The following PKNOX1 variants were observed in gnomAD, a reference collection of about 807,000 sequenced individuals.
PKNOX1 encodes the protein PBX/knotted 1 homeobox 1.
PKNOX1 carries 15 observed loss-of-function variants against 51.9 expected under a neutral mutation model. The observed-to-expected ratio is 0.29, with a 90% CI of 0.19 to 0.45. The LOEUF is 0.45. Among genes scored for constraint, PKNOX1 ranks in the 20% least tolerant of loss-of-function variants. PKNOX1 has a pLI of 1.00. For synonymous variants in PKNOX1, 219 were observed against 211.1 expected (o/e 1.04, Z -0.32); for missense variants, 462 against 547.5 (o/e 0.84, Z 1.56).
At chr21:43,009,853 T>C (rs1201035141) in intron 3 of PKNOX1, among the ~76,000 whole-genome samples, 200 bp from the exon 4 acceptor site, 4 of 152,146 alleles carry the variant, frequency 2.6e-5, no homozygotes, top group Admixed American at 6.5e-5. Context: ...GCGGGGATCA[T>C]GGAAATGTTC....
intron 8 of PKNOX1, among the ~76,000 whole-genome samples, chr21:43,022,228 C>T (rs1430168768): frequency 1.3e-5 from 2 of 152,248 alleles, no homozygotes; most frequent in East Asian, 1.9e-4. Context: ...TCCTCCTCCT[C>T]GGCCTTCTGC....
In PKNOX1 at chr21:42,999,529, G is replaced by C. The variant is rs556619169; in HGVS notation, c.-56-4797G>C. ...GGAGTCTCACTCTGTCACCCAGGCT[G>C]GAGTGTAGTGGCACAATCTTGGTTC... On this transcript the variant is annotated intron_variant, in intron 1 of 10. Coordinates refer to ENST00000291547, the MANE Select transcript of PKNOX1 (RefSeq NM_004571.5). 2.0e-5 allele frequency among the ~76,000 whole-genome samples: 3 copies of C among 152,100 alleles called. No individual in the cohort carries two copies. In the East Asian group the frequency reaches 5.8e-4, roughly 29 times the overall value.
Position 43,010,048 on chromosome 21 carries a change from CTCA to C in PKNOX1, c.180-4_180-2del, listed in dbSNP as rs1568898219. On this transcript the variant is annotated splice_acceptor_variant and splice_polypyrimidine_tract_variant and intron_variant, in intron 3 of 10. Coordinates refer to ENST00000291547, the MANE Select transcript of PKNOX1 (RefSeq NM_004571.5). LOFTEE classifies it high-confidence loss of function. ...AATGGATTCTTTTTTTTCTTTTCTC[CTCA>C]GGCATCCACTATTTCCATTATTAGC... The C allele has an allele frequency of 6.5e-7, 1 of 1,536,264 alleles. No individual in the cohort carries two copies. The highest frequency in any genetic ancestry group is 2.2e-5 in the Admixed American group (1 of 45,730).
At chr21:43,008,390 A>G (rs1276843838) in intron 3 of PKNOX1, among the ~76,000 whole-genome samples, 3 of 152,260 alleles carry the variant, frequency 2.0e-5, no homozygotes, top group Non-Finnish European at 4.4e-5. Context: ...AAAATCATCA[A>G]TAAAATATTA....
rs1980089753 is a variant in PKNOX1, at chr21:43,028,747, A to C, written c.972A>C (p.Ser324=). ...GAATTCTTCAGCCAATGTTGGATTC[A>C]AGTTGTTCAGAGACCCCCAAAACAA... ...RRRILQPMLD[S]SCSETPKTKK... is the part of the protein sequence containing the mutation. The change falls in exon 10 of 11, where the codon TCA becomes TCC. Residue 324 remains serine (S), a synonymous_variant. Coordinates refer to ENST00000291547, the MANE Select transcript of PKNOX1 (RefSeq NM_004571.5). The C allele has an allele frequency of 6.2e-7, 1 of 1,614,052 alleles. No homozygotes were observed. The highest frequency in any genetic ancestry group is 8.5e-7 in the Non-Finnish European group (1 of 1,180,028).
chr21:43,011,066 CTTT>C (rs11347992), intron 4 of PKNOX1, among the ~76,000 whole-genome samples: 5 of 80,732 alleles, frequency 6.2e-5, no homozygotes, highest in Non-Finnish European at 1.2e-4. Context: ...ACAGCTCTGT[CTTT>C]TTTTTTTTTT....
intron 1 of PKNOX1, among the ~76,000 whole-genome samples, chr21:42,977,178 C>T (rs576506108): frequency 5.9e-5 from 9 of 152,118 alleles, no homozygotes; most frequent in East Asian, 1.9e-4. Context: ...CAAGAGTAGA[C>T]GTAACATAAT....
chr21:42,975,259 T>C (rs1443319133), intron 1 of PKNOX1, among the ~76,000 whole-genome samples: 15 of 147,272 alleles, frequency 1.0e-4, no homozygotes, highest in African/African-American at 3.3e-4. Flanking sequence ...GGCCCCGGCC[T>C]CGGCCGTGGC....
chr21:42,987,091 G>A (rs2059055860), intron 1 of PKNOX1, among the ~76,000 whole-genome samples: 1 of 151,888 alleles, frequency 6.6e-6, no homozygotes, highest in South Asian at 2.1e-4. Context: ...ATTTAAAGAA[G>A]TATACTCAGG....
intron 1 of PKNOX1, among the ~76,000 whole-genome samples, chr21:42,986,624 T>C (rs1279785589): frequency 6.6e-6 from 1 of 152,222 alleles, no homozygotes; most frequent in Non-Finnish European, 1.5e-5. Flanking sequence ...ACAACTGGCT[T>C]GTGGTTTCTG....
chr21:43,029,196 C>T (rs1414222257), intron 10 of PKNOX1, among the ~76,000 whole-genome samples: 3 of 152,120 alleles, frequency 2.0e-5, no homozygotes, highest in Admixed American at 6.5e-5. Context: ...CCTCCGACGC[C>T]GGGTGTGGAG....
At chr21:42,985,362 T>C (rs1331212880) in intron 1 of PKNOX1, among the ~76,000 whole-genome samples, 3 of 151,986 alleles carry the variant, frequency 2.0e-5, no homozygotes, top group African/African-American at 7.3e-5. Context: ...TGAGACGGAG[T>C]CTCACTCTGT....
intron 10 of PKNOX1, among the ~76,000 whole-genome samples, chr21:43,029,424 GTTTTT>G (rs138486584): frequency 2.1e-4 from 13 of 63,284 alleles, no homozygotes; most frequent in Admixed American, 4.1e-4. Flanking sequence ...TGTTTGCTTT[GTTTTT>G]TTTTTTTTTT....
At chr21:42,996,601 A>C (rs1370376765) in intron 1 of PKNOX1, among the ~76,000 whole-genome samples, 1 of 152,006 alleles carries the variant, frequency 6.6e-6, no homozygotes, top group African/African-American at 2.4e-5. Flanking sequence ...AAAGTGGCTG[A>C]CTGTGTTGTG....
chr21:43,009,040 C>A (rs895568768), intron 3 of PKNOX1, among the ~76,000 whole-genome samples: 1 of 152,036 alleles, frequency 6.6e-6, no homozygotes, highest in Admixed American at 6.6e-5. Context: ...AAGTGGCGGG[C>A]GCGGTGGCTC....
At chr21:42,995,280 T>G (rs1384844040) in intron 1 of PKNOX1, among the ~76,000 whole-genome samples, 4 of 151,876 alleles carry the variant, frequency 2.6e-5, no homozygotes, top group Admixed American at 2.0e-4. Flanking sequence ...GGTTCCTGGG[T>G]GTGTCCTGAG....
chr21:42,990,008 G>A (rs1224095027), intron 1 of PKNOX1, among the ~76,000 whole-genome samples: 3 of 152,020 alleles, frequency 2.0e-5, no homozygotes, highest in African/African-American at 7.2e-5. Context: ...TGAGGTGGGA[G>A]GGTTGCTTGA....
chr21:43,017,913 G>A lies in PKNOX1; in HGVS notation c.623-220G>A, dbSNP rs1979563367. The A allele has an allele frequency of 1.1e-5, 5 of 447,600 alleles. No individual in the cohort carries two copies. In the South Asian group the frequency reaches 1.7e-4, roughly 15 times the overall value. The allele number at this position is 447,600 out of a possible 1,614,324, so 27.7% of individuals were successfully genotyped here. A position where few individuals can be genotyped will look rare whatever the true frequency, so the allele number is the denominator to read the frequency against. On this transcript the variant is annotated intron_variant, in intron 6 of 10. Coordinates refer to ENST00000291547, the MANE Select transcript of PKNOX1 (RefSeq NM_004571.5). ...ACCAGGGATTTTATTCCTTTTGTAA[G>A]TATATCAAGAAGAGGGCTGGTCGCA...
At chr21:42,996,421 A>G (rs953493819) in intron 1 of PKNOX1, among the ~76,000 whole-genome samples, 3 of 147,082 alleles carry the variant, frequency 2.0e-5, no homozygotes, top group African/African-American at 7.4e-5. Context: ...CCTCTGGACC[A>G]TAAACACTCG....
Sources: gnomAD v4.1 joint callset for allele counts (sites outside exome capture counted in the v4.1 genomes callset) on GRCh38, gnomAD v4.1.1 for gene constraint, MANE v1.5 for transcripts, NCBI Gene and HGNC (gene_info 2026-07-23, HGNC 2026-07-21) for gene names.